DAB1: variants seen among roughly 807,000 people sequenced by gnomAD.
DAB1 encodes the protein DAB adaptor protein 1, also known as disabled homolog 1.
Under a neutral mutation model 64.6 loss-of-function variants are expected in DAB1, and 15 were observed. The ratio of observed to expected loss-of-function variants is 0.23; its 90% confidence interval spans 0.16 to 0.36. The LOEUF is 0.36. DAB1 is among the 10% of genes least tolerant of loss of function. DAB1 has a pLI of 1.00. For missense variants in DAB1, 596 were observed against 706.7 expected, an observed-to-expected ratio of 0.84 and a Z score of 1.78; for synonymous variants, 235 against 251.9, an observed-to-expected ratio of 0.93 and a Z score of 0.64.
In DAB1 at chr1:57,924,324, C is replaced by T. The variant is rs781003797; in HGVS notation, n.388-40162G>A. ...AGTAAGAATGATCAGATACTATGATCTCAATTTTATAAGCAAATAAACTGA... is the reference window on the plus strand; with the variant it reads ...AGTAAGAATGATCAGATACTATGATTTCAATTTTATAAGCAAATAAACTGA... On this transcript the variant is annotated intron_variant and non_coding_transcript_variant, in intron 5 of 20. Transcript: ENST00000485760. 2.4e-4 allele frequency among the ~76,000 whole-genome samples: 36 copies of T among 152,206 alleles called. 1 individual carries two copies. Among genetic ancestry groups the T allele is most frequent in the Admixed American group, 1.6e-3 (24 of 15,284 alleles).
At chr1:58,125,014 G>A (rs925267842) in intron 5 of DAB1, among the ~76,000 whole-genome samples, 17 of 152,062 alleles carry the variant, frequency 1.1e-4, no homozygotes, top group Non-Finnish European at 1.3e-4. Flanking sequence ...ATTTGATCAA[G>A]GGGGATTCAA....
At chr1:57,158,405 C>A (rs746290399) in intron 2 of DAB1, among the ~76,000 whole-genome samples, 3 of 152,166 alleles carry the variant, frequency 2.0e-5, no homozygotes, top group African/African-American at 4.8e-5. Context: ...AAATTATTAA[C>A]ACAGAGAGAT....
In DAB1 at chr1:57,128,168, T is replaced by A. The variant is rs2104556; in HGVS notation, c.306+8375A>T. On this transcript the variant is annotated intron_variant, in intron 4 of 14. Transcript: ENST00000371236. ...CAAAAAATAAAAATAAATAAATAAA[T>A]AAATAAATAAATAAATAAATAAATA... Among the ~76,000 whole-genome samples, 760 of 132,946 alleles carry A rather than the reference T, an allele frequency of 5.7e-3. 4 individuals carry two copies. Among genetic ancestry groups the A allele is most frequent in the African/African-American group, 0.02 (683 of 34,880 alleles). 87.2% of individuals were successfully genotyped at this position (132,946 alleles called of 152,430 possible). A position where few individuals can be genotyped will look rare whatever the true frequency, so the allele number is the denominator to read the frequency against.
At chr1:57,553,382 A>AAGAGAG (rs60491103) in intron 7 of DAB1, among the ~76,000 whole-genome samples, 2 of 95,782 alleles carry the variant, frequency 2.1e-5, no homozygotes, top group Non-Finnish European at 3.8e-5. Flanking sequence ...GGAAGGAAGA[A>AAGAGAG]AGAGAAAGAA....
At chr1:57,209,855 C>G (rs1665866162) in intron 2 of DAB1, among the ~76,000 whole-genome samples, 1 of 152,180 alleles carries the variant, frequency 6.6e-6, no homozygotes, top group East Asian at 1.9e-4. Context: ...ACCAGTCCCT[C>G]TCTCAACCTA....
At chr1:57,490,101 G>A (rs2101273236) in intron 7 of DAB1, among the ~76,000 whole-genome samples, 1 of 152,254 alleles carries the variant, frequency 6.6e-6, no homozygotes, top group South Asian at 2.1e-4. Flanking sequence ...CTCACCAGAT[G>A]CTAAATATGT....
intron 2 of DAB1, among the ~76,000 whole-genome samples, chr1:57,250,996 T>A (rs1348980232): frequency 6.6e-6 from 1 of 152,204 alleles, no homozygotes; most frequent in Admixed American, 6.5e-5. Context: ...TGTGGTGGTA[T>A]GAGGGACATG....
At chr1:58,304,163 A>AT (rs774921203) in intron 4 of DAB1, among the ~76,000 whole-genome samples, 160 of 152,264 alleles carry the variant, frequency 1.1e-3, no homozygotes, top group Non-Finnish European at 1.4e-3. Flanking sequence ...CAAATATTTG[A>AT]TACTCAGGCA....
At chr1:57,112,440 G>A (rs10493214) in intron 4 of DAB1, among the ~76,000 whole-genome samples, 21,937 of 152,020 alleles carry the variant, frequency 0.14, 2,082 homozygotes, top group Middle Eastern at 0.22. Context: ...CTGACCTAGC[G>A]GGCCCTTATG....
At chr1:57,695,402 A>AAG (rs1169060409) in intron 6 of DAB1, among the ~76,000 whole-genome samples, 4 of 83,612 alleles carry the variant, frequency 4.8e-5, no homozygotes, top group Non-Finnish European at 8.2e-5. Flanking sequence ...GAAAGAAAGA[A>AAG]AGAAAGAAAG....
intron 1 of DAB1, among the ~76,000 whole-genome samples, chr1:57,415,383 C>T (rs1373476924): frequency 5.9e-5 from 9 of 151,476 alleles, no homozygotes; most frequent in Non-Finnish European, 1.3e-4. Flanking sequence ...TTCATGACAT[C>T]AGAGTGGGAA....
chr1:57,684,520 C>A (rs569271042), intron 6 of DAB1, among the ~76,000 whole-genome samples: 1 of 152,190 alleles, frequency 6.6e-6, no homozygotes, highest in South Asian at 2.1e-4. Flanking sequence ...CATATCCCAC[C>A]AAACTAAGCT....
At chr1:57,030,231 G>A (rs1357065010) in intron 9 of DAB1, among the ~76,000 whole-genome samples, 6 of 152,254 alleles carry the variant, frequency 3.9e-5, no homozygotes, top group South Asian at 2.1e-4. Flanking sequence ...GCTGCCATGC[G>A]AGAAGTGCCC....
At chr1:57,396,032 G>A (rs1682776981) in intron 1 of DAB1, among the ~76,000 whole-genome samples, 1 of 152,208 alleles carries the variant, frequency 6.6e-6, no homozygotes, top group African/African-American at 2.4e-5. Context: ...AATATTTCTT[G>A]TGGGGCTAGA....
At chr1:57,682,530 G>A (rs1570733569) in intron 6 of DAB1, among the ~76,000 whole-genome samples, 1 of 151,946 alleles carries the variant, frequency 6.6e-6, no homozygotes, top group Non-Finnish European at 1.5e-5. Flanking sequence ...GTGGGAAGAA[G>A]CTGGGAACCC....
At chr1:57,450,766 TAA>T (rs922988407) in intron 7 of DAB1, among the ~76,000 whole-genome samples, 2 of 152,244 alleles carry the variant, frequency 1.3e-5, no homozygotes, top group African/African-American at 4.8e-5. Flanking sequence ...TTCACTCTTT[TAA>T]AACAATGAAC....
intron 1 of DAB1, among the ~76,000 whole-genome samples, chr1:57,847,342 G>T (rs1471459004): frequency 6.6e-6 from 1 of 150,546 alleles, no homozygotes; most frequent in Non-Finnish European, 1.5e-5. Flanking sequence ...AACAAAGGAA[G>T]TCCCAAGAAA....
chr1:57,972,567 C>A (rs1311435101), intron 5 of DAB1, among the ~76,000 whole-genome samples: 3 of 152,124 alleles, frequency 2.0e-5, no homozygotes, highest in Non-Finnish European at 2.9e-5. Context: ...TAAAAGGGGA[C>A]TTCATAAGCT....
At chr1:58,108,884 TAG>T (rs1032956658) in intron 5 of DAB1, among the ~76,000 whole-genome samples, 2 of 152,282 alleles carry the variant, frequency 1.3e-5, no homozygotes, top group Admixed American at 1.3e-4. Flanking sequence ...GATACTAGTT[TAG>T]AGAGAGGTGT....
Sources: allele counts gnomAD v4.1 joint callset (sites outside exome capture counted in the v4.1 genomes callset), GRCh38; gene constraint gnomAD v4.1.1; transcripts MANE v1.5; gene names NCBI Gene and HGNC (gene_info 2026-07-23, HGNC 2026-07-21).